BNC2: variants seen among roughly 807,000 people sequenced by gnomAD.
BNC2 encodes basonuclin zinc finger protein 2.
In BNC2, 20 loss-of-function variants were observed where a neutral mutation model predicts 76.3. That is an observed-to-expected ratio of 0.26 (90% CI 0.18 to 0.38). The LOEUF is 0.38. BNC2 is among the 10% of genes least tolerant of loss of function. BNC2 has a pLI of 1.00. For synonymous variants in BNC2, 582 were observed against 514.8 expected (o/e 1.13, Z -1.77); for missense variants, 1,382 against 1,399.8 (o/e 0.99, Z 0.20).
intron 1 of BNC2, among the ~76,000 whole-genome samples, chr9:16,749,756 A>C (rs7853573): frequency 0.86 from 130,492 of 151,664 alleles, 56,539 homozygotes; most frequent in Non-Finnish European, 0.91. Context: ...CCTTGGATAG[A>C]TGAAAGATAT....
At position 16,841,524 on chromosome 9, in the gene BNC2, C is replaced by A. The variant is rs551126452; in HGVS notation, c.3+29122G>T. On this transcript the variant is annotated intron_variant, in intron 1 of 6. Transcript: ENST00000380672. The stretch of plus-strand genomic sequence containing the variant: ...TATGTCCATAATCAAACCATCATAT[C>A]ATCAAAAGCTAATCAAACCAGGGCA... Among the ~76,000 whole-genome samples, 7 of 72,022 alleles carry A rather than the reference C, an allele frequency of 9.7e-5. No individual in the cohort carries two copies. The South Asian group carries it at 3.0e-3, about 31-fold the overall frequency. 47.2% of individuals were successfully genotyped at this position (72,022 alleles called of 152,430 possible).
chr9:16,796,894 C>T (rs118021781), intron 1 of BNC2, among the ~76,000 whole-genome samples: 95 of 152,244 alleles, frequency 6.2e-4, no homozygotes, highest in Admixed American at 1.3e-3. Flanking sequence ...CAAATACTGT[C>T]AAATTTTCCT....
At chr9:16,538,607 T>C (rs1190529691) in intron 5 of BNC2, among the ~76,000 whole-genome samples, 1 of 152,210 alleles carries the variant, frequency 6.6e-6, no homozygotes, top group East Asian at 1.9e-4. Flanking sequence ...GGGAAGGAAA[T>C]ATATCTTTTG....
chr9:16,685,492 A>T (rs1822948534), intron 3 of BNC2: 2 of 1,169,364 alleles, frequency 1.7e-6, no homozygotes, highest in Non-Finnish European at 2.3e-6. Context: ...GCTTTCCAGG[A>T]CCACTGTTTC....
intron 1 of BNC2, among the ~76,000 whole-genome samples, chr9:16,801,526 G>A (rs746901841): frequency 1.3e-5 from 2 of 151,810 alleles, no homozygotes; most frequent in Non-Finnish European, 2.9e-5. Flanking sequence ...GTGAGCCACC[G>A]TGGCCAGCCC....
chr9:16,474,150 C>T (rs1485305155), intron 5 of BNC2, among the ~76,000 whole-genome samples: 2 of 152,144 alleles, frequency 1.3e-5, no homozygotes, highest in African/African-American at 4.8e-5. Context: ...TAACAGAATG[C>T]ACAGTGATCA....
At chr9:16,576,431 T>C (rs1819487684) in intron 4 of BNC2, among the ~76,000 whole-genome samples, 2 of 152,150 alleles carry the variant, frequency 1.3e-5, no homozygotes, top group Admixed American at 1.3e-4. Context: ...GAAAAGAGAT[T>C]GGCAAGGAAA....
chr9:16,618,241 T>C (rs567449196), intron 3 of BNC2, among the ~76,000 whole-genome samples: 1 of 152,272 alleles, frequency 6.6e-6, no homozygotes, highest in African/African-American at 2.4e-5. Context: ...TGAGCTGGGT[T>C]ATCCCTGAAA....
intron 5 of BNC2, among the ~76,000 whole-genome samples, chr9:16,453,068 A>G (rs1821375860): frequency 6.6e-6 from 1 of 152,182 alleles, no homozygotes; most frequent in Non-Finnish European, 1.5e-5. Flanking sequence ...CACATATGAA[A>G]TGGGATTAAA....
rs1393523560 is a variant in BNC2 at position 16,725,834 on chromosome 9, T to C, written c.330+1963A>G. On this transcript the variant is annotated intron_variant, in intron 3 of 6. Coordinates refer to ENST00000380672, the MANE Select transcript of BNC2 (RefSeq NM_017637.6). ...TTTTCCATGACAAAATCTCCTTAGA[T>C]TCAAATCTACTTGGAAATGGGCTAG... is the stretch of plus-strand genomic sequence containing the variant. 2.6e-5 allele frequency among the ~76,000 whole-genome samples: 4 copies of C among 152,212 alleles called. No individual in the cohort carries two copies. The East Asian group carries it at 5.8e-4, about 22-fold the overall frequency.
intron 3 of BNC2, 95 bp from the exon 4 acceptor site, chr9:16,583,180 A>T: frequency 9.6e-7 from 1 of 1,038,448 alleles, no homozygotes; most frequent in Non-Finnish European, 1.5e-6. Flanking sequence ...TCTATTTTTA[A>T]AGATTTTATG....
intron 1 of BNC2, among the ~76,000 whole-genome samples, chr9:16,778,353 T>G (rs73646249): frequency 6.6e-6 from 1 of 152,122 alleles, no homozygotes; most frequent in African/African-American, 2.4e-5. Flanking sequence ...AGAGTCTTCA[T>G]GAAAACAGGA....
At chr9:16,537,713 A>G (rs1169072014) in intron 5 of BNC2, among the ~76,000 whole-genome samples, 2 of 152,190 alleles carry the variant, frequency 1.3e-5, no homozygotes, top group Non-Finnish European at 2.9e-5. Flanking sequence ...AGCAAGGCAT[A>G]TTTGACCTGT....
chr9:16,867,345 T>C (rs551853402), intron 1 of BNC2: 36 of 152,332 alleles, frequency 2.4e-4, no homozygotes, highest in African/African-American at 7.0e-4. Context: ...GACTTTTTTA[T>C]TGTTTAATCT....
At chr9:16,865,456 C>A (rs948104850) in intron 1 of BNC2, among the ~76,000 whole-genome samples, 2 of 152,130 alleles carry the variant, frequency 1.3e-5, no homozygotes, top group Non-Finnish European at 2.9e-5. Context: ...CAGTTACTAG[C>A]AATTTGTGAA....
chr9:16,610,938 C>T (rs1820528747), intron 3 of BNC2, among the ~76,000 whole-genome samples: 1 of 152,080 alleles, frequency 6.6e-6, no homozygotes, highest in South Asian at 2.1e-4. Flanking sequence ...TAATACAGCT[C>T]CTGTAATTAC....
At chr9:16,688,009 A>G (rs1462873139) in intron 3 of BNC2, among the ~76,000 whole-genome samples, 4 of 152,188 alleles carry the variant, frequency 2.6e-5, no homozygotes, top group Non-Finnish European at 5.9e-5. Flanking sequence ...TTTCAAACTT[A>G]GAGTGCTAGG....
At chr9:16,861,831 T>C (rs1265573642) in intron 1 of BNC2, among the ~76,000 whole-genome samples, 2 of 151,808 alleles carry the variant, frequency 1.3e-5, no homozygotes, top group African/African-American at 4.8e-5. Flanking sequence ...CTACTAAAAA[T>C]ACAAAAAATT....
chr9:16,568,919 T>C (rs1025330552), intron 4 of BNC2, among the ~76,000 whole-genome samples: 2 of 152,088 alleles, frequency 1.3e-5, no homozygotes, highest in African/African-American at 4.8e-5. Flanking sequence ...AAATAACTCA[T>C]GTTCCATTTA....
Sources: gnomAD v4.1 joint callset for allele counts (sites outside exome capture counted in the v4.1 genomes callset) on GRCh38, gnomAD v4.1.1 for gene constraint, MANE v1.5 for transcripts, NCBI Gene and HGNC (gene_info 2026-07-23, HGNC 2026-07-21) for gene names.